The following MLLT1 variants were observed in gnomAD, a reference collection of about 807,000 sequenced individuals.
The protein encoded by MLLT1 is protein ENL.
MLLT1 carries 11 observed loss-of-function variants against 55.1 expected under a neutral mutation model. The observed-to-expected ratio is 0.20, with a 90% CI of 0.13 to 0.33. The LOEUF (loss-of-function observed/expected upper bound fraction) is 0.33, where lower values mean the gene tolerates loss of function less well. MLLT1 is among the 10% of genes least tolerant of loss of function. The pLI is 1.00. For synonymous variants in MLLT1, 323 were observed against 320.1 expected, an observed-to-expected ratio of 1.01 and a Z score of -0.10; for missense variants, 536 against 760.6, an observed-to-expected ratio of 0.70 and a Z score of 3.47.
intron 3 of MLLT1, chr19:6,259,021 A>ATAAGATGGG (rs2091281389): frequency 6.6e-6 from 1 of 152,162 alleles, no homozygotes; most frequent in Non-Finnish European, 1.5e-5. Context: ...CAGAAACCCC[A>ATAAGATGGG]TCTTATGGAT....
chr19:6,250,051 C>CGT (rs1352374228), intron 3 of MLLT1, among the ~76,000 whole-genome samples: 1 of 151,616 alleles, frequency 6.6e-6, no homozygotes, highest in Non-Finnish European at 1.5e-5. Flanking sequence ...ACAAAAAACT[C>CGT]TTACAACTCA....
chr19:6,265,428 TGGG>T (rs2091341636), intron 2 of MLLT1, among the ~76,000 whole-genome samples: 1 of 152,186 alleles, frequency 6.6e-6, no homozygotes, highest in Non-Finnish European at 1.5e-5. Flanking sequence ...CCCAGTACTT[TGGG>T]AGGCTGAGGA....
intron 2 of MLLT1, among the ~76,000 whole-genome samples, chr19:6,267,714 C>T (rs1297005385): frequency 5.9e-5 from 9 of 152,160 alleles, no homozygotes; most frequent in Non-Finnish European, 1.3e-4. Flanking sequence ...ATGTCAACGC[C>T]GCCTACTGCT....
In MLLT1 at chr19:6,270,123, G is replaced by T. The variant is rs981499893; in HGVS notation, c.193+456C>A. On this transcript the variant is annotated intron_variant, in intron 2 of 11. Coordinates refer to ENST00000252674, the MANE Select transcript of MLLT1 (RefSeq NM_005934.4). The surrounding 1 kb of genome is among the most constrained non-coding windows in gnomAD (Gnocchi z 7.1). ...AATACACGACTGAGGCACTCGTGCT[G>T]AATCAATGACGGCCTGAGGCTTGAA... 1.3e-5 allele frequency among the ~76,000 whole-genome samples: 2 copies of T among 151,886 alleles called. No homozygotes were observed. The highest frequency in any genetic ancestry group is 4.8e-5 in the African/African-American group (2 of 41,330).
At chr19:6,228,551 T>C (rs1315217210) in intron 4 of MLLT1, among the ~76,000 whole-genome samples, 2 of 152,136 alleles carry the variant, frequency 1.3e-5, no homozygotes, top group Non-Finnish European at 2.9e-5. Context: ...CGGAAAGTCC[T>C]ACCCTCTCTC....
Position 6,239,490 on chromosome 19 carries a change from G to A in MLLT1, c.277-8777C>T, listed in dbSNP as rs112591873. 2.7e-3 allele frequency among the ~76,000 whole-genome samples: 408 copies of A among 152,292 alleles called. 2 individuals are homozygous for A. The highest frequency in any genetic ancestry group is 9.4e-3 in the African/African-American group (389 of 41,554). On this transcript the variant is annotated intron_variant, in intron 3 of 11. Transcript: ENST00000252674. ...CACAGCGGCCTGTGCTGACGCCGGA[G>A]GGCCACGGGCAGGGAGTTCAGAGGT... is the stretch of plus-strand genomic sequence containing the variant.
chr19:6,276,552 C>T (rs1272451332), intron 1 of MLLT1, among the ~76,000 whole-genome samples: 1 of 152,122 alleles, frequency 6.6e-6, no homozygotes, highest in African/African-American at 2.4e-5. Flanking sequence ...GATGCTGACA[C>T]CACCTCCCAG....
At position 6,222,614 on chromosome 19, in the gene MLLT1, C is replaced by A; in HGVS notation, c.617G>T (p.Arg206Leu). The A allele has an allele frequency of 6.3e-7, 1 of 1,591,182 alleles. No homozygotes were observed. Among genetic ancestry groups the A allele is most frequent in the South Asian group, 1.1e-5 (1 of 90,146 alleles). Reference sequence around the variant, plus strand: ...GGAGCTCTTGCTCTCGGAGTCTTTGCGGGGCCGCTCCCGGTGCTCCTTGGT... The same window carrying A: ...GGAGCTCTTGCTCTCGGAGTCTTTGAGGGGCCGCTCCCGGTGCTCCTTGGT... ...KVTKEHRERP[R>L]KDSESKSSSK... is the part of the protein sequence containing the mutation. The change falls in exon 6 of 12, where the codon CGC becomes CTC. Residue 206 changes from arginine (R) to leucine (L), a missense_variant. Around this residue, in one of 3 missense-constraint regions of MLLT1, gnomAD observed 449 missense variants for 489.0 expected, o/e 0.92. Transcript: ENST00000252674. The surrounding 1 kb of genome is among the most constrained non-coding windows in gnomAD (Gnocchi z 4.1).
intron 7 of MLLT1, among the ~76,000 whole-genome samples, chr19:6,217,725 T>C (rs1177044194): frequency 6.6e-6 from 1 of 152,140 alleles, no homozygotes; most frequent in East Asian, 1.9e-4. Context: ...ACGGGGTGCA[T>C]GCCAACAGCC....
intron 6 of MLLT1, among the ~76,000 whole-genome samples, chr19:6,221,614 T>G (rs1332254917): frequency 6.6e-6 from 1 of 152,144 alleles, no homozygotes; most frequent in Non-Finnish European, 1.5e-5. Flanking sequence ...GCCACCTAAA[T>G]AGGGAGCCGG....
In MLLT1 at chr19:6,213,951, C is replaced by T. The variant is rs369512692; in HGVS notation, c.1395G>A (p.Pro465=). 770 of 1,310,216 alleles carry T rather than the reference C, an allele frequency of 5.9e-4. 6 individuals are homozygous for T. The highest frequency in any genetic ancestry group is 4.8e-4 in the Admixed American group (18 of 37,712). The allele number at this position is 1,310,216 out of a possible 1,614,324, so 81.2% of individuals were successfully genotyped here. A position where few individuals can be genotyped will look rare whatever the true frequency, so the allele number is the denominator to read the frequency against. Residue 465 remains proline, a synonymous_variant, in exon 9 of 12, where the codon CCG becomes CCA. Coordinates refer to ENST00000252674, the MANE Select transcript of MLLT1 (RefSeq NM_005934.4). ...REPPPPQKPP[P]PNSKVSGRRS... ...GCCCCAGGCTCACCTTGCTGTTGGGCGGGGGTGGCTTCTGGGGGGGTGGGG... is the reference window on the plus strand; with the variant it reads ...GCCCCAGGCTCACCTTGCTGTTGGGTGGGGGTGGCTTCTGGGGGGGTGGGG...
intron 2 of MLLT1, among the ~76,000 whole-genome samples, chr19:6,266,903 T>A (rs2091353200): frequency 6.6e-6 from 1 of 152,050 alleles, no homozygotes; most frequent in African/African-American, 2.4e-5. Flanking sequence ...GGTGGCTGGA[T>A]AAGAGTCCGT....
Position 6,231,761 on chromosome 19 carries a change from A to G in MLLT1, c.277-1048T>C, listed in dbSNP as rs1019588987. Among the ~76,000 whole-genome samples, 2 of 151,964 alleles carry G rather than the reference A, an allele frequency of 1.3e-5. No homozygotes were observed. The highest frequency in any genetic ancestry group is 2.9e-5 in the Non-Finnish European group (2 of 67,988). ...CGTGACCCACCCGCCTCAGCCTCCC[A>G]AAGTGCTGGGATTACAGGTGTGAGC... is the stretch of plus-strand genomic sequence containing the variant. On this transcript the variant is annotated intron_variant, in intron 3 of 11. Transcript: ENST00000252674. This position sits in a 1 kb window ranked among gnomAD's most constrained non-coding sequence, Gnocchi z 5.1.
At chr19:6,214,307 GC>G (rs376731022) in intron 8 of MLLT1, among the ~76,000 whole-genome samples, 2 of 152,178 alleles carry the variant, frequency 1.3e-5, no homozygotes, top group African/African-American at 4.8e-5. Flanking sequence ...GGGACACAAA[GC>G]CCCCCAGCCA....
chr19:6,216,075 C>T (rs942045493), intron 8 of MLLT1, among the ~76,000 whole-genome samples: 1 of 152,118 alleles, frequency 6.6e-6, no homozygotes, highest in African/African-American at 2.4e-5. Flanking sequence ...CTGCTCCCCT[C>T]CCCCCACCTC....
At chr19:6,213,515 T>C in intron 10 of MLLT1, 107 bp from the exon 11 acceptor site, 1 of 1,121,968 alleles carries the variant, frequency 8.9e-7, no homozygotes. Context: ...AGGACAGAGG[T>C]AGCCACATCC....
intron 3 of MLLT1, among the ~76,000 whole-genome samples, chr19:6,244,476 A>C (rs2091148505): frequency 6.6e-6 from 1 of 152,114 alleles, no homozygotes; most frequent in African/African-American, 2.4e-5. Flanking sequence ...GGCTTGGTGC[A>C]TGCCGCCAGC....
At chr19:6,245,650 G>A (rs549252942) in intron 3 of MLLT1, among the ~76,000 whole-genome samples, 38 of 152,168 alleles carry the variant, frequency 2.5e-4, no homozygotes, top group South Asian at 2.5e-3. Flanking sequence ...GGCAGAGTTT[G>A]CAGTGAGCCA....
Position 6,270,647 on chromosome 19 carries a change from C to T in MLLT1, c.125G>A (p.Cys42Tyr). 6.2e-7 allele frequency: 1 copy of T among 1,614,186 alleles called. No individual in the cohort carries two copies. Reference sequence around the variant, plus strand: ...CTTCTCCACGAAGTGCTGGATGTCACATTGCTCGGGGCCGCGGACAAACAC... The same window carrying T: ...CTTCTCCACGAAGTGCTGGATGTCATATTGCTCGGGGCCGCGGACAAACAC... The part of the protein sequence containing the change: ...WMVFVRGPEQ[C>Y]DIQHFVEKVV... Residue 42 changes from cysteine to tyrosine, a missense_variant, in exon 2 of 12, where the codon TGT becomes TAT. By Grantham distance (194) the Cys-to-Tyr change is radical. Coordinates refer to ENST00000252674, the MANE Select transcript of MLLT1 (RefSeq NM_005934.4). This position sits in a 1 kb window ranked among gnomAD's most constrained non-coding sequence, Gnocchi z 7.1.
Sources: allele counts gnomAD v4.1 joint callset (sites outside exome capture counted in the v4.1 genomes callset), GRCh38; gene constraint gnomAD v4.1.1; regional missense constraint gnomAD v4.1.1; non-coding constraint Gnocchi (gnomAD v3.1); transcripts MANE v1.5; gene names NCBI Gene and HGNC (gene_info 2026-07-23, HGNC 2026-07-21).